Variants in SLC16A14 observed in about 807,000 individuals in gnomAD.
SLC16A14 encodes the protein monocarboxylate transporter 14.
In SLC16A14, 14 loss-of-function variants were observed where a neutral mutation model predicts 35.8. The observed-to-expected ratio is 0.39, with a 90% CI of 0.26 to 0.61. The LOEUF is 0.61. Ranked by LOEUF, SLC16A14 falls within the 20% of genes least tolerant of loss-of-function variation. The pLI, the probability that SLC16A14 is intolerant of heterozygous loss-of-function variation, is 0.51. For synonymous variants in SLC16A14, 248 were observed against 258.9 expected (o/e 0.96, Z 0.40); for missense variants, 533 against 655.0 (o/e 0.81, Z 2.03).
At chr2:230,037,733 T>C (rs926809028) in intron 4 of SLC16A14, among the ~76,000 whole-genome samples, 2 of 152,160 alleles carry the variant, frequency 1.3e-5, no homozygotes, top group Admixed American at 1.3e-4. Flanking sequence ...TTAGCCATTT[T>C]AAAGGGTGTG....
At chr2:230,067,335 G>A (rs80200556) in intron 1 of SLC16A14, 8,436 of 152,508 alleles carry the variant, frequency 0.055, 344 homozygotes, top group Non-Finnish European at 0.082. Flanking sequence ...CAGGGACTGT[G>A]CTTGGTGGCT....
chr2:230,065,363 T>A (rs1184396358), intron 1 of SLC16A14, among the ~76,000 whole-genome samples: 1 of 152,134 alleles, frequency 6.6e-6, no homozygotes, highest in South Asian at 2.1e-4. Context: ...TTTAAGCGAT[T>A]CTCCTGTCTC....
chr2:230,055,078 A>T (rs1338369143), intron 2 of SLC16A14, among the ~76,000 whole-genome samples: 1 of 152,004 alleles, frequency 6.6e-6, no homozygotes, highest in Non-Finnish European at 1.5e-5. Context: ...ACAATTTTGG[A>T]GTCCCATGGA....
At chr2:230,042,202 A>G (rs902926849) in intron 4 of SLC16A14, among the ~76,000 whole-genome samples, 7 of 152,186 alleles carry the variant, frequency 4.6e-5, no homozygotes, top group Admixed American at 3.9e-4. Flanking sequence ...TCCATGGTGG[A>G]TCCCATTCCA....
In SLC16A14 at chr2:230,062,627, C is replaced by T. The variant is rs969203142; in HGVS notation, c.-14-3261G>A. ...TGGGATTACTTTATCTTTCTAAAGG[C>T]TATGTTTCCCAAAAACCCTAAAATA... On this transcript the variant is annotated intron_variant, in intron 1 of 4. Transcript: ENST00000295190. Among the ~76,000 whole-genome samples the T allele has an allele frequency of 5.3e-5, 8 of 152,080 alleles. No homozygotes were observed. The South Asian group carries it at 1.0e-3, about 20-fold the overall frequency.
At chr2:230,063,233 G>A (rs2077764868) in intron 1 of SLC16A14, among the ~76,000 whole-genome samples, 1 of 146,980 alleles carries the variant, frequency 6.8e-6, no homozygotes, top group African/African-American at 2.5e-5. Context: ...GGTTGCAGTA[G>A]TGAGGTGAGA....
chr2:230,068,461 TG>T lies in SLC16A14; in HGVS notation c.-15+93del, dbSNP rs1000993337. 2.7e-4 allele frequency: 42 copies of T among 152,778 alleles called. No individual in the cohort carries two copies. The highest frequency in any genetic ancestry group is 1.6e-3 in the East Asian group (8 of 5,158). The allele number at this position is 152,778 out of a possible 1,614,324, so 9.5% of individuals were successfully genotyped here. A position where few individuals can be genotyped will look rare whatever the true frequency, so the allele number is the denominator to read the frequency against. ...GGGGCTGCCCCTTCCCGGGGGTCCC[TG>T]GGGGTGCAGCGGCCATCTGAAACCT... On this transcript the variant is annotated intron_variant, in intron 1 of 4. Coordinates refer to ENST00000295190, the MANE Select transcript of SLC16A14 (RefSeq NM_152527.5). This position sits in a 1 kb window ranked among gnomAD's most constrained non-coding sequence, Gnocchi z 5.1.
Position 230,059,384 on chromosome 2 carries a change from A to G in SLC16A14, c.-14-18T>C. ...AGATTTTTCTGAAATACATATAACA[A>G]ATAATTTCATGGAACATCAAAAGGA... On this transcript the variant is annotated intron_variant, in intron 1 of 4. Coordinates refer to ENST00000295190, the MANE Select transcript of SLC16A14 (RefSeq NM_152527.5). 1.3e-6 allele frequency: 2 copies of G among 1,515,628 alleles called. No individual in the cohort carries two copies. The highest frequency in any genetic ancestry group is 1.8e-6 in the Non-Finnish European group (2 of 1,127,014). The allele number at this position is 1,515,628 out of a possible 1,614,324, so 93.9% of individuals were successfully genotyped here. A position where few individuals can be genotyped will look rare whatever the true frequency, so the allele number is the denominator to read the frequency against.
Position 230,035,183 on chromosome 2 carries a change from C to A in SLC16A14, c.*2197G>T, listed in dbSNP as rs1354953668. 3 of 152,268 alleles carry A rather than the reference C, an allele frequency of 2.0e-5. No individual in the cohort carries two copies. Among genetic ancestry groups the A allele is most frequent in the Non-Finnish European group, 4.4e-5 (3 of 68,026 alleles). The allele number at this position is 152,268 out of a possible 1,614,324, so 9.4% of individuals were successfully genotyped here. A position where few individuals can be genotyped will look rare whatever the true frequency, so the allele number is the denominator to read the frequency against. On this transcript the variant is annotated 3_prime_UTR_variant, in exon 5 of 5. Transcript: ENST00000295190. ...TACTCTGTTGTCAACATGAATACTGCAAGCAGGTCTTTATTTTTTTTGACA... is the reference window on the plus strand; with the variant it reads ...TACTCTGTTGTCAACATGAATACTGAAAGCAGGTCTTTATTTTTTTTGACA...
chr2:230,064,123 G>C (rs2077772521), intron 1 of SLC16A14, among the ~76,000 whole-genome samples: 1 of 151,246 alleles, frequency 6.6e-6, no homozygotes, highest in South Asian at 2.1e-4. Flanking sequence ...TTCCTCAATA[G>C]ATATATATTA....
Position 230,038,198 on chromosome 2 carries a change from A to G in SLC16A14, c.1382-667T>C, listed in dbSNP as rs2106238594. Among the ~76,000 whole-genome samples, 1 of 152,346 alleles carries G rather than the reference A, an allele frequency of 6.6e-6. No individual in the cohort carries two copies. The highest frequency in any genetic ancestry group is 2.1e-4 in the South Asian group (1 of 4,832). On this transcript the variant is annotated intron_variant, in intron 4 of 4. Coordinates refer to ENST00000295190, the MANE Select transcript of SLC16A14 (RefSeq NM_152527.5). The surrounding 1 kb of genome is among the most constrained non-coding windows in gnomAD (Gnocchi z 4.4). Reference sequence around the variant, plus strand: ...TGTTATTTTCAAATAATAATTTAATATTATAATCTAACAGCTTAATATAAT... The same window carrying G: ...TGTTATTTTCAAATAATAATTTAATGTTATAATCTAACAGCTTAATATAAT...
At chr2:230,056,323 C>G (rs534281753) in intron 2 of SLC16A14, among the ~76,000 whole-genome samples, 1 of 146,758 alleles carries the variant, frequency 6.8e-6, no homozygotes, top group East Asian at 2.1e-4. Context: ...GGCGCCATCT[C>G]GGCTGACTGC....
At chr2:230,045,230 A>C (rs1046221258) in intron 4 of SLC16A14, among the ~76,000 whole-genome samples, 1 of 152,180 alleles carries the variant, frequency 6.6e-6, no homozygotes, top group Non-Finnish European at 1.5e-5. Context: ...ATAGGATCAA[A>C]AGTTCATCTG....
Position 230,035,817 on chromosome 2 carries a change from AC to A in SLC16A14, c.*1562del. On this transcript the variant is annotated 3_prime_UTR_variant, in exon 5 of 5. Coordinates refer to ENST00000295190, the MANE Select transcript of SLC16A14 (RefSeq NM_152527.5). ...TTCATTACACAACCACTCCCACTAT[AC>A]ATTAGAGCAGGAAATAATGGAGATG... is the stretch of plus-strand genomic sequence containing the variant. The A allele has an allele frequency of 6.6e-6, 1 of 152,302 alleles. No homozygotes were observed. Among genetic ancestry groups the A allele is most frequent in the East Asian group, 1.9e-4 (1 of 5,182 alleles). 9.4% of individuals were successfully genotyped at this position (152,302 alleles called of 1,614,324 possible).
chr2:230,051,792 G>C (rs1256462597), intron 2 of SLC16A14, among the ~76,000 whole-genome samples: 1 of 152,076 alleles, frequency 6.6e-6, no homozygotes, highest in East Asian at 1.9e-4. Flanking sequence ...GTCAGCTAAT[G>C]AGTTTATTTT....
intron 3 of SLC16A14, among the ~76,000 whole-genome samples, chr2:230,049,418 T>C (rs564354658): frequency 4.9e-4 from 75 of 152,198 alleles, no homozygotes; most frequent in African/African-American, 1.7e-3. Context: ...CTGATGTAAT[T>C]TCCTTAATCT....
At position 230,049,899 on chromosome 2, in the gene SLC16A14, A is replaced by C; in HGVS notation, c.265T>G (p.Phe89Val). 6.2e-7 allele frequency: 1 copy of C among 1,614,118 alleles called. No homozygotes were observed. Among genetic ancestry groups the C allele is most frequent in the African/African-American group, 1.3e-5 (1 of 75,052 alleles). ...CAGGTGTTAATGAACAAGCCGATGA[A>C]AGGGCCTGTCACAGAGCATTGGAAA... ...SMGITLIVGPFIGLFINTCGC... is the reference protein window; with the variant it reads ...SMGITLIVGPVIGLFINTCGC... Residue 89 changes from phenylalanine to valine, a missense_variant, in exon 3 of 5, where the codon TTC becomes GTC. Coordinates refer to ENST00000295190, the MANE Select transcript of SLC16A14 (RefSeq NM_152527.5).
At chr2:230,041,146 T>C (rs1199378685) in intron 4 of SLC16A14, among the ~76,000 whole-genome samples, 1 of 152,186 alleles carries the variant, frequency 6.6e-6, no homozygotes, top group East Asian at 1.9e-4. Flanking sequence ...TAGATGTTTT[T>C]CGTATTAATT....
Position 230,035,585 on chromosome 2 carries a change from G to A in SLC16A14, c.*1795C>T, listed in dbSNP as rs1433612424. 1 of 152,388 alleles carries A rather than the reference G, an allele frequency of 6.6e-6. No individual in the cohort carries two copies. The highest frequency in any genetic ancestry group is 2.4e-5 in the African/African-American group (1 of 41,468). The allele number at this position is 152,388 out of a possible 1,614,324, so 9.4% of individuals were successfully genotyped here. A position where few individuals can be genotyped will look rare whatever the true frequency, so the allele number is the denominator to read the frequency against. On this transcript the variant is annotated 3_prime_UTR_variant, in exon 5 of 5. Coordinates refer to ENST00000295190, the MANE Select transcript of SLC16A14 (RefSeq NM_152527.5). Reference sequence around the variant, plus strand: ...CTTTAAGATTATCTTTATCAAAATAGAGAGCTGGATTCTTTAACAGCAGCC... The same window carrying A: ...CTTTAAGATTATCTTTATCAAAATAAAGAGCTGGATTCTTTAACAGCAGCC...
Sources: gnomAD v4.1 joint callset for allele counts (sites outside exome capture counted in the v4.1 genomes callset) on GRCh38, gnomAD v4.1.1 for gene constraint, Gnocchi (gnomAD v3.1) non-coding constraint, MANE v1.5 for transcripts, NCBI Gene and HGNC (gene_info 2026-07-23, HGNC 2026-07-21) for gene names.